AKAP6: variants seen among roughly 807,000 people sequenced by gnomAD.
The protein encoded by AKAP6 is A-kinase anchoring protein 6.
A neutral mutation model predicts 188.5 loss-of-function variants in AKAP6; 58 were observed. That is an observed-to-expected ratio of 0.31 (90% CI 0.25 to 0.38). The LOEUF (loss-of-function observed/expected upper bound fraction) is 0.38, where lower values mean the gene tolerates loss of function less well. Among genes scored for constraint, AKAP6 ranks in the 10% least tolerant of loss-of-function variants. The pLI, the probability that AKAP6 is intolerant of heterozygous loss-of-function variation, is 1.00. For missense variants in AKAP6, 2,710 were observed against 2,740.0 expected, an observed-to-expected ratio of 0.99 and a Z score of 0.24; for synonymous variants, 989 against 998.6, an observed-to-expected ratio of 0.99 and a Z score of 0.18.
At chr14:32,552,956 C>T (rs948336681) in intron 4 of AKAP6, among the ~76,000 whole-genome samples, 1 of 152,048 alleles carries the variant, frequency 6.6e-6, no homozygotes, top group Admixed American at 6.5e-5. Context: ...CTCATCATGG[C>T]AGAGTCCTCC....
chr14:32,403,076 CT>C (rs1889153985), intron 1 of AKAP6: 1 of 152,092 alleles, frequency 6.6e-6, no homozygotes, highest in Non-Finnish European at 1.5e-5. Flanking sequence ...ACACTGTAGA[CT>C]TAGAAATCAT....
Position 32,824,225 on chromosome 14 carries a change from C to T in AKAP6, c.6412C>T (p.Pro2138Ser). ...AGAAGAGAAAAGCAGCACTCCATTGCCACTAGACACCACTGACTCGGGCTT... is the reference window on the plus strand; with the variant it reads ...AGAAGAGAAAAGCAGCACTCCATTGTCACTAGACACCACTGACTCGGGCTT... ...YIEEKSSTPL[P>S]LDTTDSGLDD... The change falls in exon 13 of 14, where the codon CCA becomes TCA. Residue 2138 changes from proline (P) to serine (S), a missense_variant. Physicochemically the swap from Pro to Ser is moderately conservative, Grantham distance 74 (BLOSUM62 -1). Coordinates refer to ENST00000280979, the MANE Select transcript of AKAP6 (RefSeq NM_004274.5). 1 of 1,613,934 alleles carries T rather than the reference C, an allele frequency of 6.2e-7. No homozygotes were observed. Among genetic ancestry groups the T allele is most frequent in the South Asian group, 1.1e-5 (1 of 91,084 alleles).
chr14:32,487,850 T>C (rs1043136438), intron 2 of AKAP6, among the ~76,000 whole-genome samples: 71 of 152,216 alleles, frequency 4.7e-4, no homozygotes, highest in South Asian at 8.3e-4. Flanking sequence ...CGAGACCCTG[T>C]TTGCCTATCA....
At chr14:32,423,192 T>A (rs1262215130) in intron 1 of AKAP6, among the ~76,000 whole-genome samples, 1 of 152,116 alleles carries the variant, frequency 6.6e-6, no homozygotes, top group African/African-American at 2.4e-5. Flanking sequence ...TTTTTTGAGA[T>A]AGGGTCTCAC....
intron 1 of AKAP6, among the ~76,000 whole-genome samples, chr14:32,343,641 G>A (rs1269068339): frequency 2.7e-5 from 4 of 150,598 alleles, no homozygotes; most frequent in Non-Finnish European, 4.4e-5. Context: ...CCAGCTACTC[G>A]GGAGGCTGAG....
intron 7 of AKAP6, among the ~76,000 whole-genome samples, chr14:32,669,353 C>T (rs1889081195): frequency 6.6e-6 from 1 of 152,060 alleles, no homozygotes; most frequent in Non-Finnish European, 1.5e-5. Flanking sequence ...CATTGTAATA[C>T]CAAATGTTAT....
chr14:32,485,259 G>A (rs568328313), intron 2 of AKAP6, among the ~76,000 whole-genome samples: 1 of 151,084 alleles, frequency 6.6e-6, no homozygotes, highest in African/African-American at 2.4e-5. Context: ...TGTGAATAGT[G>A]CTGCAATAAA....
chr14:32,792,001 C>G (rs2033624993), intron 12 of AKAP6, among the ~76,000 whole-genome samples: 1 of 151,708 alleles, frequency 6.6e-6, no homozygotes, highest in Non-Finnish European at 1.5e-5. Flanking sequence ...GGTACCAGTA[C>G]CATGCTGTTT....
At chr14:32,698,512 G>A (rs1043755626) in intron 9 of AKAP6, among the ~76,000 whole-genome samples, 5 of 152,050 alleles carry the variant, frequency 3.3e-5, no homozygotes, top group Admixed American at 2.0e-4. Flanking sequence ...TTTATTAAGG[G>A]CACCATTGAC....
chr14:32,538,668 G>A (rs1882790779), intron 3 of AKAP6, among the ~76,000 whole-genome samples: 1 of 151,996 alleles, frequency 6.6e-6, no homozygotes, highest in African/African-American at 2.4e-5. Flanking sequence ...ATGTTGTTCT[G>A]CAATTTTCTA....
chr14:32,443,332 G>A (rs1413077842), intron 2 of AKAP6, among the ~76,000 whole-genome samples: 1 of 151,910 alleles, frequency 6.6e-6, no homozygotes, highest in Non-Finnish European at 1.5e-5. Flanking sequence ...GATGGAGGTT[G>A]CAGTGAGCTG....
At chr14:32,765,223 G>A (rs370839025) in intron 11 of AKAP6, among the ~76,000 whole-genome samples, 10 of 152,068 alleles carry the variant, frequency 6.6e-5, no homozygotes, top group East Asian at 1.9e-4. Flanking sequence ...GTGAGCCACC[G>A]CACCCGGCTT....
intron 1 of AKAP6, among the ~76,000 whole-genome samples, chr14:32,420,172 C>T (rs1415551587): frequency 6.6e-6 from 1 of 152,146 alleles, no homozygotes; most frequent in Non-Finnish European, 1.5e-5. Context: ...TTCCCATTCT[C>T]CAGAGGCAAC....
chr14:32,418,622 A>G (rs1889739812), intron 1 of AKAP6, among the ~76,000 whole-genome samples: 1 of 152,274 alleles, frequency 6.6e-6, no homozygotes, highest in East Asian at 1.9e-4. Context: ...TCTTTGCTGG[A>G]TGGAAGAGTT....
intron 1 of AKAP6, among the ~76,000 whole-genome samples, chr14:32,347,673 C>G (rs1166204892): frequency 1.3e-5 from 2 of 152,244 alleles, no homozygotes; most frequent in Non-Finnish European, 2.9e-5. Flanking sequence ...GTAAATGACT[C>G]TCAATTCCAT....
At chr14:32,481,115 T>TA (rs1879319211) in intron 2 of AKAP6, among the ~76,000 whole-genome samples, 2 of 152,194 alleles carry the variant, frequency 1.3e-5, no homozygotes, top group South Asian at 4.1e-4. Flanking sequence ...TCTTACTTTG[T>TA]ATATTTTAGG....
chr14:32,616,319 A>C (rs1886578846), intron 7 of AKAP6, among the ~76,000 whole-genome samples: 2 of 152,224 alleles, frequency 1.3e-5, no homozygotes, highest in South Asian at 4.1e-4. Flanking sequence ...TCACTGCAGC[A>C]CTATTCACAA....
At chr14:32,381,067 T>C (rs1594560407) in intron 1 of AKAP6, among the ~76,000 whole-genome samples, 1 of 152,166 alleles carries the variant, frequency 6.6e-6, no homozygotes, top group Non-Finnish European at 1.5e-5. Flanking sequence ...CTGGGCATGG[T>C]AGCTCATGCC....
rs140078719 is a variant in AKAP6, at chr14:32,670,729, CT to C, written c.2731-7572del. ...TGAATTAAAGAAGCTTTTTTTTCTT[CT>C]TTTTTTTTTCCCTGGGAAGAATAGT... On this transcript the variant is annotated intron_variant, in intron 7 of 13. Transcript: ENST00000280979. 1.8e-3 allele frequency among the ~76,000 whole-genome samples: 261 copies of C among 148,114 alleles called. 1 individual carries two copies. Among genetic ancestry groups the C allele is most frequent in the African/African-American group, 5.3e-3 (214 of 40,522 alleles).
Sources: allele counts gnomAD v4.1 joint callset (sites outside exome capture counted in the v4.1 genomes callset), GRCh38; gene constraint gnomAD v4.1.1; transcripts MANE v1.5; gene names NCBI Gene and HGNC (gene_info 2026-07-23, HGNC 2026-07-21).